The following NRXN3 variants were observed in gnomAD, a reference collection of about 807,000 sequenced individuals.
NRXN3 encodes the protein neurexin 3.
Under a neutral mutation model 137.6 loss-of-function variants are expected in NRXN3, and 32 were observed. The observed-to-expected ratio is 0.23, with a 90% CI of 0.18 to 0.31. NRXN3 has a LOEUF of 0.31. NRXN3 is among the 10% of genes least tolerant of loss of function. The pLI, the probability that NRXN3 is intolerant of heterozygous loss-of-function variation, is 1.00. For missense variants in NRXN3, 1,574 were observed against 2,062.5 expected (o/e 0.76, Z 4.59); for synonymous variants, 798 against 784.5 (o/e 1.02, Z -0.29).
intron 15 of NRXN3, among the ~76,000 whole-genome samples, chr14:79,007,558 C>A (rs1458242620): frequency 2.0e-5 from 3 of 151,516 alleles, no homozygotes; most frequent in Non-Finnish European, 2.9e-5. Flanking sequence ...GCAATTCCAG[C>A]ACTTTGGGAG....
intron 10 of NRXN3, among the ~76,000 whole-genome samples, chr14:78,883,172 G>T (rs556797816): frequency 6.6e-6 from 1 of 152,212 alleles, no homozygotes; most frequent in East Asian, 1.9e-4. Context: ...CCAGTCTCAG[G>T]TATTTCTTCA....
intron 4 of NRXN3, among the ~76,000 whole-genome samples, chr14:78,487,872 G>T (rs971404881): frequency 2.0e-5 from 3 of 152,050 alleles, no homozygotes; most frequent in African/African-American, 7.2e-5. Flanking sequence ...AAATGCAAAA[G>T]AGAATACAGG....
chr14:79,358,609 GAAAGAAAGAA>G (rs1566902300), intron 15 of NRXN3, among the ~76,000 whole-genome samples: 2 of 53,356 alleles, frequency 3.7e-5, no homozygotes, highest in African/African-American at 1.2e-4. Flanking sequence ...GAAAGAAAGA[GAAAGAAAGAA>G]AGAAAGAAAG....
intron 20 of NRXN3, among the ~76,000 whole-genome samples, chr14:79,838,552 C>T (rs914956595): frequency 6.6e-6 from 1 of 152,146 alleles, no homozygotes; most frequent in African/African-American, 2.4e-5. Context: ...AATATGTCAG[C>T]ACCTTTTCAC....
chr14:79,617,056 C>T (rs1440680265), intron 16 of NRXN3, among the ~76,000 whole-genome samples: 4 of 152,060 alleles, frequency 2.6e-5, no homozygotes, highest in African/African-American at 4.8e-5. Flanking sequence ...TGCTTAGATC[C>T]GTCCCACTTA....
intron 15 of NRXN3, among the ~76,000 whole-genome samples, chr14:79,100,171 G>GGA (rs1449742813): frequency 1.3e-5 from 2 of 152,170 alleles, no homozygotes; most frequent in African/African-American, 4.8e-5. Context: ...TCATAATAAA[G>GGA]GAGAGCCTTT....
Position 79,508,643 on chromosome 14 carries a change from C to T in NRXN3, c.3444+41241C>T, listed in dbSNP as rs370612892. Among the ~76,000 whole-genome samples the T allele has an allele frequency of 3.5e-3, 535 of 151,720 alleles. 3 individuals are homozygous for T. The highest frequency in any genetic ancestry group is 0.012 in the African/African-American group (482 of 41,386). ...CTGACCTCAGGTGATCCGCCCGCCT[C>T]GGCCTTCCAAAGTGCTGGGATTACA... On this transcript the variant is annotated intron_variant, in intron 16 of 20. Coordinates refer to ENST00000335750, the MANE Select transcript of NRXN3 (RefSeq NM_001330195.2).
chr14:79,403,189 C>T (rs952224580), intron 15 of NRXN3, among the ~76,000 whole-genome samples: 3 of 151,828 alleles, frequency 2.0e-5, no homozygotes, highest in Admixed American at 2.0e-4. Flanking sequence ...AGGCTGGGAC[C>T]CAGAAAAGGT....
chr14:79,058,640 A>T (rs997461093), intron 15 of NRXN3, among the ~76,000 whole-genome samples: 8 of 152,126 alleles, frequency 5.3e-5, no homozygotes, highest in African/African-American at 1.9e-4. Flanking sequence ...CATAACTGTC[A>T]TGGTATGTGA....
chr14:79,096,510 T>A (rs1008185203), intron 15 of NRXN3, among the ~76,000 whole-genome samples: 2 of 152,152 alleles, frequency 1.3e-5, no homozygotes, highest in African/African-American at 4.8e-5. Context: ...CACTAATAAC[T>A]ATGAGACTGC....
chr14:79,275,731 T>TG (rs146855479), intron 15 of NRXN3, among the ~76,000 whole-genome samples: 3,449 of 142,982 alleles, frequency 0.024, 57 homozygotes, highest in African/African-American at 0.046. Flanking sequence ...AGGGTGAGGA[T>TG]GGGGGGGGGG....
chr14:78,435,948 G>A (rs1043166194), intron 4 of NRXN3, among the ~76,000 whole-genome samples: 1 of 152,184 alleles, frequency 6.6e-6, no homozygotes, highest in Non-Finnish European at 1.5e-5. Flanking sequence ...AATCTTAGAA[G>A]GTATTTTAAG....
intron 19 of NRXN3, among the ~76,000 whole-genome samples, chr14:79,721,453 T>C (rs1412534487): frequency 1.3e-5 from 2 of 152,132 alleles, no homozygotes; most frequent in Non-Finnish European, 2.9e-5. Flanking sequence ...TGAAAACACA[T>C]TGTGAATAAG....
At position 79,358,607 on chromosome 14, in the gene NRXN3, G is replaced by GAAAGATAAAGAAAGAAAGAAAGAA. The variant is rs10667477; in HGVS notation, c.3263-108613_3263-108612insAAGATAAAGAAAGAAAGAAAGAAA. Among the ~76,000 whole-genome samples the GAAAGATAAAGAAAGAAAGAAAGAA allele has an allele frequency of 4.5e-4, 36 of 79,944 alleles. 1 individual carries two copies. The highest frequency in any genetic ancestry group is 7.7e-4 in the Non-Finnish European group (30 of 39,156). The allele number at this position is 79,944 out of a possible 152,430, so 52.4% of individuals were successfully genotyped here. On this transcript the variant is annotated intron_variant, in intron 15 of 20. Coordinates refer to ENST00000335750, the MANE Select transcript of NRXN3 (RefSeq NM_001330195.2). The stretch of plus-strand genomic sequence containing the variant: ...AGAGAGAAAGAAAGAAAGAAAGAAA[G>GAAAGATAAAGAAAGAAAGAAAGAA]AGAAAGAAAGAAAGAAAGAAAGAAA...
At chr14:78,176,113 C>T (rs148435955) in intron 1 of NRXN3, among the ~76,000 whole-genome samples, 1 of 152,142 alleles carries the variant, frequency 6.6e-6, no homozygotes, top group African/African-American at 2.4e-5. Context: ...CACTTGTGGC[C>T]TGTCTTCTGG....
At chr14:79,646,964 G>C (rs1264490667) in intron 16 of NRXN3, among the ~76,000 whole-genome samples, 1 of 135,598 alleles carries the variant, frequency 7.4e-6, no homozygotes, top group African/African-American at 2.5e-5. Flanking sequence ...CAAAGGGAAA[G>C]AGAAGAGAAC....
intron 4 of NRXN3, among the ~76,000 whole-genome samples, chr14:78,418,802 GCTTA>G (rs1398775328): frequency 2.6e-5 from 4 of 152,254 alleles, no homozygotes; most frequent in Admixed American, 2.0e-4. Flanking sequence ...TTTTTACCTG[GCTTA>G]CTTCATTTCA....
intron 10 of NRXN3, among the ~76,000 whole-genome samples, chr14:78,869,338 G>T (rs569389320): frequency 6.6e-6 from 1 of 151,898 alleles, no homozygotes; most frequent in Non-Finnish European, 1.5e-5. Context: ...TAGTTTATTC[G>T]CTATTTCTAT....
intron 9 of NRXN3, among the ~76,000 whole-genome samples, chr14:78,810,025 A>G (rs913604575): frequency 3.7e-4 from 3 of 8,086 alleles, no homozygotes; most frequent in African/African-American, 4.7e-4. Flanking sequence ...CTTTTTTTGA[A>G]AAAAAAAAAA....
Sources: gnomAD v4.1 joint callset for allele counts (sites outside exome capture counted in the v4.1 genomes callset) on GRCh38, gnomAD v4.1.1 for gene constraint, MANE v1.5 for transcripts, NCBI Gene and HGNC (gene_info 2026-07-23, HGNC 2026-07-21) for gene names.